The following SLC22A25 variants were observed in gnomAD, a reference collection of about 807,000 sequenced individuals.
SLC22A25 encodes solute carrier family 22 member 25, also known as MGI:2442751, MGI:2385316, MGI:3042283, MGI:3645714, MGI:3605624, MGI:2442750.
A neutral mutation model predicts 45.9 loss-of-function variants in SLC22A25; 44 were observed. The observed-to-expected ratio is 0.96, with a 90% CI of 0.75 to 1.23. The LOEUF is 1.23. SLC22A25 is among the 50% of genes most tolerant of loss of function. The pLI, the probability that SLC22A25 is intolerant of heterozygous loss-of-function variation, is 0.00. For missense variants in SLC22A25, 800 were observed against 666.4 expected, an observed-to-expected ratio of 1.20 and a Z score of -2.21; for synonymous variants, 283 against 238.6, an observed-to-expected ratio of 1.19 and a Z score of -1.72.
intron 7 of SLC22A25, among the ~76,000 whole-genome samples, chr11:63,196,764 G>A (rs965721475): frequency 2.0e-5 from 3 of 152,078 alleles, no homozygotes; most frequent in Non-Finnish European, 4.4e-5. Flanking sequence ...AGGGCAATCA[G>A]GTAGGAGAAA....
intron 9 of SLC22A25, among the ~76,000 whole-genome samples, chr11:63,178,509 C>G (rs1459675456): frequency 4.0e-5 from 6 of 150,494 alleles, no homozygotes; most frequent in Non-Finnish European, 4.4e-5. Context: ...AATATTTTAA[C>G]TGGGGTGAAA....
intron 9 of SLC22A25, among the ~76,000 whole-genome samples, chr11:63,176,989 C>A (rs529276514): frequency 6.6e-6 from 1 of 152,062 alleles, no homozygotes; most frequent in Admixed American, 6.6e-5. Context: ...CTCTTTATTT[C>A]TCTTCATTTT....
rs760661234 is a variant in SLC22A25 at position 63,229,371 on chromosome 11, G to A, written c.282C>T (p.Pro94=). ...RPEKCRRFVH[P]QWKLIHLNGT... The stretch of plus-strand genomic sequence containing the variant: ...CATTCAGATGAATGAGCTTCCACTG[G>A]GGATGGACAAAGCGACGACACTTCT... Residue 94 remains proline (P), a synonymous_variant, in exon 4 of 12, where the codon CCC becomes CCT. Transcript: ENST00000306494. 3.7e-6 allele frequency: 6 copies of A among 1,614,038 alleles called. No individual in the cohort carries two copies. The South Asian group carries it at 6.6e-5, about 18-fold the overall frequency.
chr11:63,216,030 T>C (rs2089701180), intron 7 of SLC22A25, among the ~76,000 whole-genome samples: 1 of 152,182 alleles, frequency 6.6e-6, no homozygotes, highest in Non-Finnish European at 1.5e-5. Flanking sequence ...TTCAGGTTGA[T>C]TCCATGTTTT....
intron 7 of SLC22A25, among the ~76,000 whole-genome samples, chr11:63,198,719 A>G (rs2089141606): frequency 6.6e-6 from 1 of 151,646 alleles, no homozygotes; most frequent in South Asian, 2.1e-4. Flanking sequence ...AAGTATAATA[A>G]AAAAAAGAAA....
At chr11:63,217,206 G>T in intron 7 of SLC22A25, 108 bp downstream of exon 7, 1 of 1,268,356 alleles carries the variant, frequency 7.9e-7, no homozygotes, top group Non-Finnish European at 1.1e-6. Context: ...CAGATTAGGA[G>T]AATGTACTCA....
At chr11:63,187,862 G>C (rs988800193) in intron 7 of SLC22A25, among the ~76,000 whole-genome samples, 2 of 152,078 alleles carry the variant, frequency 1.3e-5, no homozygotes, top group Non-Finnish European at 2.9e-5. Flanking sequence ...GATTTGCATA[G>C]GTTGAACCAG....
chr11:63,188,838 C>T (rs2088674584), intron 7 of SLC22A25, among the ~76,000 whole-genome samples: 1 of 152,156 alleles, frequency 6.6e-6, no homozygotes, highest in African/African-American at 2.4e-5. Context: ...TGTTCAGTTT[C>T]CATGTAGTTG....
At chr11:63,187,578 T>G (rs1565082233) in intron 7 of SLC22A25, among the ~76,000 whole-genome samples, 2 of 152,212 alleles carry the variant, frequency 1.3e-5, no homozygotes, top group South Asian at 4.1e-4. Context: ...CTTCCAACAC[T>G]ATGTTGAATA....
At chr11:63,238,051 C>G (rs1352248107) in intron 2 of SLC22A25, 39 bp from the exon 3 acceptor site, 2 of 152,174 alleles carry the variant, frequency 1.3e-5, no homozygotes, top group Admixed American at 1.3e-4. Context: ...AGTTTTATAG[C>G]AACTTAAAAC....
intron 5 of SLC22A25, among the ~76,000 whole-genome samples, chr11:63,227,829 G>A (rs1025169864): frequency 2.6e-5 from 4 of 152,242 alleles, no homozygotes; most frequent in Admixed American, 2.0e-4. Flanking sequence ...TCTGGACACT[G>A]GGATGGGTGA....
chr11:63,218,326 C>A (rs1375937566), intron 5 of SLC22A25: 1 of 275,046 alleles, frequency 3.6e-6, no homozygotes, highest in African/African-American at 2.3e-5. Flanking sequence ...AAGAAGGGAA[C>A]AATAGATGCT....
chr11:63,170,059 A>G (rs149893713), intron 9 of SLC22A25, among the ~76,000 whole-genome samples: 1 of 152,208 alleles, frequency 6.6e-6, no homozygotes, highest in Non-Finnish European at 1.5e-5. Flanking sequence ...CTGCTCCTGA[A>G]TGACTACTGG....
chr11:63,165,375 C>T (rs17157915), intron 10 of SLC22A25, among the ~76,000 whole-genome samples: 2,722 of 152,204 alleles, frequency 0.018, 70 homozygotes, highest in African/African-American at 0.05. Context: ...ATTACTAGAC[C>T]GGGAGTGAGG....
intron 7 of SLC22A25, among the ~76,000 whole-genome samples, chr11:63,200,836 A>T (rs2134777648): frequency 6.6e-6 from 1 of 152,316 alleles, no homozygotes; most frequent in South Asian, 2.1e-4. Flanking sequence ...AATGTGCAAA[A>T]ATCACTAGCA....
chr11:63,175,825 G>GTA (rs5792280), intron 9 of SLC22A25, among the ~76,000 whole-genome samples: 1,926 of 150,304 alleles, frequency 0.013, 18 homozygotes, highest in Non-Finnish European at 0.018. Context: ...AATTGGGTGT[G>GTA]TATATATATA....
In SLC22A25 at chr11:63,163,815, A is replaced by G; in HGVS notation, c.*9T>C. ...CCCTAAATGGTGTTTTGCTTTCCTCAGCACAGACCTATAGCACAGAGCTCC... is the reference window on the plus strand; with the variant it reads ...CCCTAAATGGTGTTTTGCTTTCCTCGGCACAGACCTATAGCACAGAGCTCC... On this transcript the variant is annotated 3_prime_UTR_variant, in exon 12 of 12. Transcript: ENST00000306494. 2 of 1,604,070 alleles carry G rather than the reference A, an allele frequency of 1.2e-6. No individual in the cohort carries two copies. The highest frequency in any genetic ancestry group is 1.7e-4 in the Middle Eastern group (1 of 5,808).
At chr11:63,167,567 G>A (rs1370368859) in intron 9 of SLC22A25, 1 of 152,366 alleles carries the variant, frequency 6.6e-6, no homozygotes, top group Non-Finnish European at 1.5e-5. Flanking sequence ...AAACTGTGTG[G>A]AACTTACTGC....
In SLC22A25 at chr11:63,188,330, C is replaced by T. The variant is rs777563721; in HGVS notation, c.831-4513G>A. ...TCTTCTAGTTTTTCTAGTTTATTTGCATAGAGGTTTTTATAATATTGTCTG... is the reference window on the plus strand; with the variant it reads ...TCTTCTAGTTTTTCTAGTTTATTTGTATAGAGGTTTTTATAATATTGTCTG... On this transcript the variant is annotated intron_variant, in intron 7 of 11. Coordinates refer to ENST00000306494, the MANE Select transcript of SLC22A25 (RefSeq NM_199352.6). Among the ~76,000 whole-genome samples the T allele has an allele frequency of 4.6e-5, 7 of 152,242 alleles. No homozygotes were observed. The South Asian group carries it at 6.2e-4, about 14-fold the overall frequency.
Sources: gnomAD v4.1 joint callset for allele counts (sites outside exome capture counted in the v4.1 genomes callset) on GRCh38, gnomAD v4.1.1 for gene constraint, MANE v1.5 for transcripts, NCBI Gene and HGNC (gene_info 2026-07-23, HGNC 2026-07-21) for gene names.